Variants in NSMCE2 observed in about 807,000 individuals in gnomAD.
NSMCE2 encodes the protein NSE2 SUMO ligase component of SMC5/6 complex, also known as E3 SUMO-protein ligase NSE2.
Under a neutral mutation model 23.8 loss-of-function variants are expected in NSMCE2, and 24 were observed. That is an observed-to-expected ratio of 1.01 (90% confidence interval 0.73 to 1.42). The LOEUF is 1.42. Among genes scored for constraint, NSMCE2 ranks in the 40% most tolerant of loss-of-function variants. The pLI, the probability that NSMCE2 is intolerant of heterozygous loss-of-function variation, is 0.00. For missense variants in NSMCE2, 284 were observed against 296.5 expected (o/e 0.96, Z 0.31); for synonymous variants, 92 against 94.1 (o/e 0.98, Z 0.13).
At chr8:125,095,180 A>G (rs1817870593) in intron 1 of NSMCE2, among the ~76,000 whole-genome samples, 1 of 152,208 alleles carries the variant, frequency 6.6e-6, no homozygotes. Context: ...ACATGTGCCT[A>G]GTGCCTATCA....
chr8:125,145,283 A>G (rs1373363458), intron 3 of NSMCE2, among the ~76,000 whole-genome samples: 1 of 152,284 alleles, frequency 6.6e-6, no homozygotes, highest in East Asian at 1.9e-4. Context: ...ATGCAGGTTT[A>G]TAGGATGACA....
intron 5 of NSMCE2, among the ~76,000 whole-genome samples, chr8:125,298,785 C>G (rs1198690561): frequency 6.8e-6 from 1 of 147,486 alleles, no homozygotes; most frequent in African/African-American, 2.5e-5. Context: ...CAGTTTGAGA[C>G]TCATGTCAAC....
At chr8:125,294,307 G>A (rs370385258) in intron 5 of NSMCE2, among the ~76,000 whole-genome samples, 14 of 152,174 alleles carry the variant, frequency 9.2e-5, no homozygotes, top group South Asian at 4.1e-4. Flanking sequence ...TCCATTTCTC[G>A]TGGTATTTAT....
intron 5 of NSMCE2, among the ~76,000 whole-genome samples, chr8:125,188,920 G>T (rs1056711774): frequency 6.6e-6 from 1 of 152,178 alleles, no homozygotes; most frequent in Non-Finnish European, 1.5e-5. Context: ...GATTGGAAAG[G>T]TATGTGTGAG....
rs535502214 is a variant in NSMCE2, at chr8:125,130,317, G to A, written c.158-20854G>A. On this transcript the variant is annotated intron_variant, in intron 3 of 7. Coordinates refer to ENST00000287437, the MANE Select transcript of NSMCE2 (RefSeq NM_173685.4). Reference sequence around the variant, plus strand: ...CCAGTAATGTCAACCTTGATCACCTGGCCCTAGTAGTGTTTGTCAAGTTTC... The same window carrying A: ...CCAGTAATGTCAACCTTGATCACCTAGCCCTAGTAGTGTTTGTCAAGTTTC... 2.4e-4 allele frequency: 110 copies of A among 453,882 alleles called. 1 individual carries two copies. In the Middle Eastern group the frequency reaches 3.6e-3, roughly 15 times the overall value. 28.1% of individuals were successfully genotyped at this position (453,882 alleles called of 1,614,324 possible).
At chr8:125,147,791 C>T (rs1054808547) in intron 3 of NSMCE2, among the ~76,000 whole-genome samples, 2 of 152,106 alleles carry the variant, frequency 1.3e-5, no homozygotes, top group African/African-American at 4.8e-5. Context: ...ATCCCTTTTT[C>T]CCCCTCCAAA....
chr8:125,291,329 G>A (rs1023231114), intron 5 of NSMCE2, among the ~76,000 whole-genome samples: 13 of 152,138 alleles, frequency 8.5e-5, no homozygotes, highest in Non-Finnish European at 2.9e-5. Context: ...TTGCTAAAAG[G>A]TTGCTGTAAA....
chr8:125,229,955 A>G (rs946700981), intron 5 of NSMCE2, among the ~76,000 whole-genome samples: 5 of 152,178 alleles, frequency 3.3e-5, no homozygotes, highest in African/African-American at 1.2e-4. Context: ...TATTTTAAAA[A>G]TTTAATTTTC....
intron 1 of NSMCE2, among the ~76,000 whole-genome samples, chr8:125,095,215 C>T (rs966740239): frequency 1.3e-5 from 2 of 151,978 alleles, no homozygotes; most frequent in Admixed American, 6.6e-5. Flanking sequence ...GATTATAGAA[C>T]GTTTTCATCA....
chr8:125,283,969 T>C (rs10956237), intron 5 of NSMCE2, among the ~76,000 whole-genome samples: 70,174 of 151,744 alleles, frequency 0.46, 19,630 homozygotes, highest in Non-Finnish European at 0.61. Flanking sequence ...CTGGCTAACA[T>C]GGTGAAACCC....
At chr8:125,268,591 G>T (rs1381905493) in intron 5 of NSMCE2, among the ~76,000 whole-genome samples, 1 of 152,168 alleles carries the variant, frequency 6.6e-6, no homozygotes, top group Non-Finnish European at 1.5e-5. Flanking sequence ...GAATCAGAGA[G>T]AAAAATCAGG....
Position 125,283,970 on chromosome 8 carries a change from G to A in NSMCE2, c.419-73249G>A, listed in dbSNP as rs559684723. Reference sequence around the variant, plus strand: ...AGATGGAGACCATCCTGGCTAACATGGTGAAACCCCGTCTCTACTAAAAAT... The same window carrying A: ...AGATGGAGACCATCCTGGCTAACATAGTGAAACCCCGTCTCTACTAAAAAT... On this transcript the variant is annotated intron_variant, in intron 5 of 7. Coordinates refer to ENST00000287437, the MANE Select transcript of NSMCE2 (RefSeq NM_173685.4). Among the ~76,000 whole-genome samples, 6 of 152,110 alleles carry A rather than the reference G, an allele frequency of 3.9e-5. No homozygotes were observed. In the East Asian group the frequency reaches 5.8e-4, roughly 15 times the overall value.
At chr8:125,144,340 TTTGA>T in intron 3 of NSMCE2, among the ~76,000 whole-genome samples, 1 of 152,206 alleles carries the variant, frequency 6.6e-6, no homozygotes, top group Non-Finnish European at 1.5e-5. Flanking sequence ...GGAATGAAAG[TTTGA>T]TTGGTCTGTT....
chr8:125,156,002 A>G, intron 4 of NSMCE2: 1 of 451,754 alleles, frequency 2.2e-6, no homozygotes, highest in Middle Eastern at 3.4e-4. Flanking sequence ...CCTCTCAGCT[A>G]GGTGTGGTGG....
chr8:125,274,944 A>G (rs1352484488), intron 5 of NSMCE2, among the ~76,000 whole-genome samples: 1 of 150,244 alleles, frequency 6.7e-6, no homozygotes, highest in Non-Finnish European at 1.5e-5. Flanking sequence ...AAAAAAAAAA[A>G]AAGAACCTAT....
Position 125,357,239 on chromosome 8 carries a change from G to T in NSMCE2, c.439G>T (p.Glu147Ter). The T allele has an allele frequency of 6.2e-7, 1 of 1,612,856 alleles. No individual in the cohort carries two copies. The highest frequency in any genetic ancestry group is 1.7e-5 in the Admixed American group (1 of 60,016). Residue 147 changes from glutamate (E) to a stop codon, truncating the protein, a stop_gained, in exon 6 of 8, where the codon GAA (glutamate) becomes TAA (stop). Coordinates refer to ENST00000287437, the MANE Select transcript of NSMCE2 (RefSeq NM_173685.4). LOFTEE classifies it high-confidence loss of function. ...KKQCGLQADR[E>*]ADGTEGVDED... ...TCTAGGTGGTCTTCAAGCTGACAGAGAAGCTGACGGAACAGAAGGAGTGGA... is the reference window on the plus strand; with the variant it reads ...TCTAGGTGGTCTTCAAGCTGACAGATAAGCTGACGGAACAGAAGGAGTGGA...
Position 125,325,995 on chromosome 8 carries a change from T to C in NSMCE2, c.419-31224T>C, listed in dbSNP as rs1389468605. Among the ~76,000 whole-genome samples, 15 of 151,660 alleles carry C rather than the reference T, an allele frequency of 9.9e-5. 1 individual carries two copies. The East Asian group carries it at 2.5e-3, about 26-fold the overall frequency. The stretch of plus-strand genomic sequence containing the variant: ...AAAAATACCCGGGCGCGGTGGCTCA[T>C]GCCTGTAATCCCAGCACTTTGGGAG... On this transcript the variant is annotated intron_variant, in intron 5 of 7. Transcript: ENST00000287437.
intron 5 of NSMCE2, among the ~76,000 whole-genome samples, chr8:125,258,006 C>G (rs1301610073): frequency 6.6e-6 from 1 of 152,040 alleles, no homozygotes; most frequent in Non-Finnish European, 1.5e-5. Context: ...CCAAATAGCT[C>G]ATGCCATTAA....
chr8:125,227,098 A>G (rs554770773), intron 5 of NSMCE2, among the ~76,000 whole-genome samples: 2 of 152,190 alleles, frequency 1.3e-5, no homozygotes, highest in South Asian at 4.2e-4. Flanking sequence ...ATTAACCTTT[A>G]CTAACAGGTT....
Sources: allele counts gnomAD v4.1 joint callset (sites outside exome capture counted in the v4.1 genomes callset), GRCh38; gene constraint gnomAD v4.1.1; transcripts MANE v1.5; gene names NCBI Gene and HGNC (gene_info 2026-07-23, HGNC 2026-07-21).